PCSK5: variants seen among roughly 807,000 people sequenced by gnomAD.
PCSK5 encodes the protein proprotein convertase subtilisin/kexin type 5.
A neutral mutation model predicts 233.2 loss-of-function variants in PCSK5; 129 were observed. The observed-to-expected ratio is 0.55, with a 90% CI of 0.48 to 0.64. PCSK5 has a LOEUF of 0.64. PCSK5 is among the 30% of genes least tolerant of loss of function. The probability of loss-of-function intolerance (pLI) is 0.00; values close to 1 mark genes in which losing one functional copy is unlikely to be tolerated. For synonymous variants in PCSK5, 825 were observed against 879.2 expected (o/e 0.94, Z 1.09); for missense variants, 2,076 against 2,430.1 (o/e 0.85, Z 3.06).
At chr9:76,149,501 T>A (rs368904769) in intron 10 of PCSK5, among the ~76,000 whole-genome samples, 1 of 152,186 alleles carries the variant, frequency 6.6e-6, no homozygotes, top group Non-Finnish European at 1.5e-5. Context: ...AAAAGTAATA[T>A]GTAAATAATC....
rs565551450 is a variant in PCSK5 at position 76,250,585 on chromosome 9, C to T, written c.3142+9901C>T. On this transcript the variant is annotated intron_variant, in intron 24 of 37. Transcript: ENST00000674117. The stretch of plus-strand genomic sequence containing the variant: ...GAAGAAAATATCAGACAAATCCCAA[C>T]GGAGGGACATTTTGTAAAATACCCA... 4.7e-4 allele frequency among the ~76,000 whole-genome samples: 72 copies of T among 152,266 alleles called. No individual in the cohort carries two copies. The South Asian group carries it at 0.013, about 28-fold the overall frequency.
Position 76,302,224 on chromosome 9 carries a change from G to A in PCSK5, c.3604+7G>A. The A allele has an allele frequency of 7.8e-7, 1 of 1,275,182 alleles. No individual in the cohort carries two copies. Among genetic ancestry groups the A allele is most frequent in the Non-Finnish European group, 1.0e-6 (1 of 953,270 alleles). 79.0% of individuals were successfully genotyped at this position (1,275,182 alleles called of 1,614,324 possible). On this transcript the variant is annotated splice_region_variant and intron_variant, in intron 28 of 37. Transcript: ENST00000674117. ...AAAGTTCAAATCAAAAGAGGTAACA[G>A]GGAAATAGGGAGGCAACAATCACAG...
chr9:75,934,399 C>T (rs1418385899), intron 2 of PCSK5, among the ~76,000 whole-genome samples: 1 of 152,086 alleles, frequency 6.6e-6, no homozygotes, highest in East Asian at 1.9e-4. Context: ...TATTCTTTGG[C>T]CCTTTTTCGA....
At chr9:76,343,623 A>C (rs1829899203) in intron 35 of PCSK5, among the ~76,000 whole-genome samples, 1 of 152,036 alleles carries the variant, frequency 6.6e-6, no homozygotes, top group African/African-American at 2.4e-5. Flanking sequence ...ATAATTAGTA[A>C]CTATAAACCT....
chr9:76,117,952 G>T (rs1009913115), intron 9 of PCSK5, among the ~76,000 whole-genome samples: 5 of 152,060 alleles, frequency 3.3e-5, no homozygotes, highest in Non-Finnish European at 5.9e-5. Context: ...GAAGAATGTC[G>T]TAGCGAGCTT....
intron 8 of PCSK5, among the ~76,000 whole-genome samples, chr9:76,105,128 A>G (rs902701790): frequency 2.6e-5 from 4 of 152,236 alleles, no homozygotes; most frequent in Non-Finnish European, 5.9e-5. Flanking sequence ...GCTGAGAGGT[A>G]GAAGCAACCC....
Position 76,027,022 on chromosome 9 carries a change from C to G in PCSK5, c.617C>G (p.Ala206Gly). The change falls in exon 5 of 38, where the codon GCA becomes GGA. Residue 206 changes from alanine to glycine, a missense_variant. By Grantham distance (60) the Ala-to-Gly change is moderately conservative. Transcript: ENST00000674117. Reference sequence around the variant, plus strand: ...TTGGACCCAATGCCTCGTTATGATGCAAGCAACGAGAACAAGTAAGGCCCA... The same window carrying G: ...TTGGACCCAATGCCTCGTTATGATGGAAGCAACGAGAACAAGTAAGGCCCA... The part of the protein sequence containing the change: ...NDLDPMPRYD[A>G]SNENKHGTRC... 1 of 1,608,458 alleles carries G rather than the reference C, an allele frequency of 6.2e-7. No individual in the cohort carries two copies. Among genetic ancestry groups the G allele is most frequent in the Non-Finnish European group, 8.5e-7 (1 of 1,176,754 alleles).
At chr9:76,250,102 C>T (rs998546729) in intron 24 of PCSK5, among the ~76,000 whole-genome samples, 4 of 152,220 alleles carry the variant, frequency 2.6e-5, no homozygotes, top group South Asian at 2.1e-4. Context: ...GTCAAGAGAT[C>T]GAGACCATCC....
At chr9:76,168,855 A>C (rs1217234998) in intron 12 of PCSK5, among the ~76,000 whole-genome samples, 2 of 152,112 alleles carry the variant, frequency 1.3e-5, no homozygotes, top group African/African-American at 4.8e-5. Context: ...AAAATTCCCC[A>C]TGCCTCTTTT....
At chr9:75,921,372 G>C (rs1369264211) in intron 1 of PCSK5, among the ~76,000 whole-genome samples, 1 of 152,162 alleles carries the variant, frequency 6.6e-6, no homozygotes, top group African/African-American at 2.4e-5. Flanking sequence ...TGACTGGACC[G>C]AAAGCGAACA....
chr9:76,212,373 C>G (rs1400039435), intron 20 of PCSK5, among the ~76,000 whole-genome samples: 1 of 152,154 alleles, frequency 6.6e-6, no homozygotes, highest in Non-Finnish European at 1.5e-5. Context: ...GGAGAGATAA[C>G]AAGAGTTGTG....
intron 28 of PCSK5, among the ~76,000 whole-genome samples, chr9:76,307,238 C>A (rs1828730598): frequency 6.6e-6 from 1 of 152,046 alleles, no homozygotes; most frequent in Non-Finnish European, 1.5e-5. Context: ...GCAGGTGTGA[C>A]TAGAGCGCCA....
intron 10 of PCSK5, among the ~76,000 whole-genome samples, chr9:76,153,146 A>ATTTT: frequency 6.6e-6 from 1 of 152,236 alleles, no homozygotes; most frequent in Non-Finnish European, 1.5e-5. Context: ...TGAACTCTAA[A>ATTTT]GGAACAGATA....
At chr9:76,085,907 C>T (rs1292705582) in intron 7 of PCSK5, among the ~76,000 whole-genome samples, 1 of 152,170 alleles carries the variant, frequency 6.6e-6, no homozygotes, top group Admixed American at 6.5e-5. Flanking sequence ...TCCCTCTATC[C>T]TCCTTTCCAA....
At chr9:76,246,628 C>CTATT (rs1306105799) in intron 24 of PCSK5, among the ~76,000 whole-genome samples, 2 of 152,200 alleles carry the variant, frequency 1.3e-5, no homozygotes, top group African/African-American at 4.8e-5. Context: ...ATTCACCATG[C>CTATT]TATTTATTGT....
At chr9:75,960,836 A>G (rs544971070) in intron 2 of PCSK5, among the ~76,000 whole-genome samples, 79 of 152,320 alleles carry the variant, frequency 5.2e-4, no homozygotes, top group African/African-American at 1.6e-3. Flanking sequence ...AGGAGTGCAG[A>G]TGACACCAGG....
intron 13 of PCSK5, among the ~76,000 whole-genome samples, chr9:76,170,186 C>T (rs1823271809): frequency 1.3e-5 from 2 of 148,548 alleles, no homozygotes; most frequent in South Asian, 4.3e-4. Context: ...CATGATCTCA[C>T]AAGAAGAGAC....
At chr9:76,079,340 T>C (rs112941941) in intron 7 of PCSK5, among the ~76,000 whole-genome samples, 2,807 of 151,966 alleles carry the variant, frequency 0.018, 88 homozygotes, top group African/African-American at 0.063. Context: ...TGTTTCACCA[T>C]GTTGGCCGGG....
intron 20 of PCSK5, among the ~76,000 whole-genome samples, chr9:76,225,910 T>C (rs1825875023): frequency 6.6e-6 from 1 of 152,188 alleles, no homozygotes; most frequent in Non-Finnish European, 1.5e-5. Flanking sequence ...CACTGGACCA[T>C]TCGGGTGGGT....
Sources: gnomAD v4.1 joint callset for allele counts (sites outside exome capture counted in the v4.1 genomes callset) on GRCh38, gnomAD v4.1.1 for gene constraint, MANE v1.5 for transcripts, NCBI Gene and HGNC (gene_info 2026-07-23, HGNC 2026-07-21) for gene names.